HHIPL1: variants seen among roughly 807,000 people sequenced by gnomAD.
HHIPL1 encodes the protein HHIP-like protein 1.
A neutral mutation model predicts 61.8 loss-of-function variants in HHIPL1; 43 were observed. The observed-to-expected ratio is 0.70, with a 90% confidence interval of 0.55 to 0.90. The LOEUF (loss-of-function observed/expected upper bound fraction) is 0.90. Among genes scored for constraint, HHIPL1 ranks in the 40% least tolerant of loss-of-function variants. The probability of loss-of-function intolerance (pLI) is 0.00; values close to 1 mark genes in which losing one functional copy is unlikely to be tolerated. For synonymous variants in HHIPL1, 482 were observed against 515.8 expected, an observed-to-expected ratio of 0.93 and a Z score of 0.89; for missense variants, 1,056 against 1,157.7, an observed-to-expected ratio of 0.91 and a Z score of 1.28.
chr14:99,663,703 C>T (rs886616443), intron 6 of HHIPL1, among the ~76,000 whole-genome samples: 7 of 152,138 alleles, frequency 4.6e-5, no homozygotes, highest in Admixed American at 1.3e-4. Context: ...CCTCCTCATG[C>T]GTCTTCACCT....
chr14:99,634,395 G>T, the HHIPL1 span, among the ~76,000 whole-genome samples: 1 of 152,212 alleles, frequency 6.6e-6, no homozygotes, highest in Non-Finnish European at 1.5e-5. Context: ...GTTCACAGGT[G>T]TGCTGGGGAA....
At chr14:99,621,754 T>C in the HHIPL1 span, among the ~76,000 whole-genome samples, 2 of 143,656 alleles carry the variant, frequency 1.4e-5, no homozygotes, top group Non-Finnish European at 3.0e-5. Context: ...CTTGCTCTGT[T>C]GCCCAGGCTG....
chr14:99,646,265 C>T (rs182092598), intron 1 of HHIPL1, among the ~76,000 whole-genome samples: 15 of 152,366 alleles, frequency 9.8e-5, no homozygotes, highest in African/African-American at 3.4e-4. Flanking sequence ...TGGAGCAGGA[C>T]GGGCAGCCCC....
intron 1 of HHIPL1, among the ~76,000 whole-genome samples, chr14:99,648,067 G>A (rs1039309601): frequency 3.3e-5 from 5 of 152,140 alleles, no homozygotes; most frequent in African/African-American, 1.2e-4. Context: ...GAGCCTGTTA[G>A]GAGGCAGCCC....
chr14:99,615,451 A>C, the HHIPL1 span, among the ~76,000 whole-genome samples: 2 of 152,042 alleles, frequency 1.3e-5, no homozygotes, highest in East Asian at 3.9e-4. Context: ...GGCTGAGGTG[A>C]GAGGGTTACT....
chr14:99,622,142 C>G, the HHIPL1 span, among the ~76,000 whole-genome samples: 1 of 152,212 alleles, frequency 6.6e-6, no homozygotes, highest in African/African-American at 2.4e-5. Context: ...GTTCAATTCC[C>G]TTCTGTTGGT....
chr14:99,610,022 T>C, the HHIPL1 span, among the ~76,000 whole-genome samples: 1 of 152,094 alleles, frequency 6.6e-6, no homozygotes, highest in Non-Finnish European at 1.5e-5. Flanking sequence ...CAGAGCCAAG[T>C]GTGATGGAAA....
Position 99,652,620 on chromosome 14 carries a change from G to C in HHIPL1, c.652G>C (p.Val218Leu). The change falls in exon 2 of 9, where the codon GTG becomes CTG. Residue 218 changes from valine (V) to leucine (L), a missense_variant. Val to Leu is a conservative substitution (Grantham distance 32). Coordinates refer to ENST00000330710, the MANE Select transcript of HHIPL1 (RefSeq NM_001127258.3). ...CTTCGTGGCCGAGCAGGTGGGGCTG[G>C]TGTGGGCCTACCTGCCCGACCGCTC... ...RFFVAEQVGL[V>L]WAYLPDRSRL... The C allele has an allele frequency of 1.9e-6, 3 of 1,613,476 alleles. No homozygotes were observed. Among genetic ancestry groups the C allele is most frequent in the Non-Finnish European group, 2.5e-6 (3 of 1,179,828 alleles).
chr14:99,648,708 G>C (rs1364766091), intron 1 of HHIPL1, among the ~76,000 whole-genome samples: 1 of 152,218 alleles, frequency 6.6e-6, no homozygotes, highest in African/African-American at 2.4e-5. Flanking sequence ...GGGACAGTCA[G>C]AGCCCTGGGA....
At chr14:99,639,077 C>A in the HHIPL1 span, among the ~76,000 whole-genome samples, 4 of 152,248 alleles carry the variant, frequency 2.6e-5, no homozygotes, top group African/African-American at 2.4e-5. Flanking sequence ...ATGCCTAGCA[C>A]GTGCCAGATG....
the HHIPL1 span, among the ~76,000 whole-genome samples, chr14:99,638,692 G>T: frequency 2.0e-5 from 3 of 152,236 alleles, no homozygotes; most frequent in African/African-American, 7.2e-5. Flanking sequence ...ATTTGAAGCA[G>T]GGCCAGGCGG....
intron 6 of HHIPL1, among the ~76,000 whole-genome samples, chr14:99,666,844 T>C (rs530667233): frequency 6.6e-6 from 1 of 152,032 alleles, no homozygotes; most frequent in Admixed American, 6.5e-5. Context: ...GGTTGGGGGG[T>C]CAGGGGCCAT....
At position 99,680,167 on chromosome 14, in the gene HHIPL1, T is replaced by C. The variant is rs2056426499; in HGVS notation, c.*4541T>C. The C allele has an allele frequency of 6.6e-6, 1 of 152,166 alleles. No individual in the cohort carries two copies. The highest frequency in any genetic ancestry group is 2.4e-5 in the African/African-American group (1 of 41,420). 9.4% of individuals were successfully genotyped at this position (152,166 alleles called of 1,614,324 possible). On this transcript the variant is annotated 3_prime_UTR_variant, in exon 9 of 9. Transcript: ENST00000330710. Reference sequence around the variant, plus strand: ...GCCCATTCTCCCAGAGCCGGATCCTTCTCCTTCCCTGGGATACAGCACCTC... The same window carrying C: ...GCCCATTCTCCCAGAGCCGGATCCTCCTCCTTCCCTGGGATACAGCACCTC...
At position 99,652,802 on chromosome 14, in the gene HHIPL1, G is replaced by C. The variant is rs199978506; in HGVS notation, c.834G>C (p.Glu278Asp). Residue 278 changes from glutamate (E) to aspartate (D), a missense_variant, in exon 2 of 9, where the codon GAG becomes GAC. Glu to Asp is a conservative substitution (Grantham distance 45). Transcript: ENST00000330710. ...ACTCAGTGGGTATCCGCAGCAGTGA[G>C]TGGATCCGCATCAGCGAGTTCAGAG... ...VYYSVGIRSS[E>D]WIRISEFRVS... 6.2e-7 allele frequency: 1 copy of C among 1,614,152 alleles called. No homozygotes were observed. The highest frequency in any genetic ancestry group is 1.1e-5 in the South Asian group (1 of 91,082).
chr14:99,659,521 C>T lies in HHIPL1; in HGVS notation c.1140C>T (p.Gly380=). 4 of 1,542,706 alleles carry T rather than the reference C, an allele frequency of 2.6e-6. No individual in the cohort carries two copies. Among genetic ancestry groups the T allele is most frequent in the Non-Finnish European group, 3.5e-6 (4 of 1,148,458 alleles). ...TCCCGCCCGACAACCCGTTCGTGGG[C>T]GACCCCGCGGCGCAGCCCGAGGTCT... ...YGIPPDNPFV[G]DPAAQPEVYA... The change falls in exon 4 of 9, where the codon GGC becomes GGT. Residue 380 remains glycine, a synonymous_variant. Coordinates refer to ENST00000330710, the MANE Select transcript of HHIPL1 (RefSeq NM_001127258.3).
chr14:99,637,612 C>G, the HHIPL1 span, among the ~76,000 whole-genome samples: 2 of 152,034 alleles, frequency 1.3e-5, no homozygotes, highest in South Asian at 2.1e-4. Flanking sequence ...CACAAGAGAC[C>G]ATTTATAGAA....
chr14:99,624,142 G>T, the HHIPL1 span, among the ~76,000 whole-genome samples: 1 of 152,328 alleles, frequency 6.6e-6, no homozygotes, highest in African/African-American at 2.4e-5. Context: ...CAAGAGCTTG[G>T]CAGACCAGGA....
chr14:99,636,685 A>G, the HHIPL1 span, among the ~76,000 whole-genome samples: 1 of 152,074 alleles, frequency 6.6e-6, no homozygotes, highest in Non-Finnish European at 1.5e-5. Context: ...AGGAAGTTAC[A>G]AAAAGAAAAG....
rs1219629676 is a variant in HHIPL1 at position 99,675,142 on chromosome 14, C to T, written c.1865C>T (p.Thr622Met). Reference protein sequence around the residue: ...STPRPTARAPTRAPRRGRPTA... With the variant: ...STPRPTARAPMRAPRRGRPTA... Reference sequence around the variant, plus strand: ...CCGCGGCCTACAGCGCGGGCGCCCACGCGGGCGCCCCGCCGAGGGCGCCCC... The same window carrying T: ...CCGCGGCCTACAGCGCGGGCGCCCATGCGGGCGCCCCGCCGAGGGCGCCCC... The change falls in exon 9 of 9, where the codon ACG becomes ATG. Residue 622 changes from threonine to methionine, a missense_variant. Physicochemically the swap from Thr to Met is moderately conservative, Grantham distance 81. Transcript: ENST00000330710. This position sits in a 1 kb window ranked among gnomAD's most constrained non-coding sequence, Gnocchi z 5.4. 2.7e-6 allele frequency: 3 copies of T among 1,112,514 alleles called. No homozygotes were observed. The highest frequency in any genetic ancestry group is 3.3e-6 in the Non-Finnish European group (3 of 904,434). The allele number at this position is 1,112,514 out of a possible 1,614,324, so 68.9% of individuals were successfully genotyped here. A position where few individuals can be genotyped will look rare whatever the true frequency, so the allele number is the denominator to read the frequency against.
Sources: gnomAD v4.1 joint callset for allele counts (sites outside exome capture counted in the v4.1 genomes callset) on GRCh38, gnomAD v4.1.1 for gene constraint, Gnocchi (gnomAD v3.1) non-coding constraint, MANE v1.5 for transcripts, NCBI Gene and HGNC (gene_info 2026-07-23, HGNC 2026-07-21) for gene names.